The following CCDC171 variants were observed in gnomAD, a reference collection of about 807,000 sequenced individuals.
CCDC171 encodes the protein coiled-coil domain containing 171, also known as coiled-coil domain-containing protein 171.
A neutral mutation model predicts 168.2 loss-of-function variants in CCDC171; 177 were observed. The observed-to-expected ratio is 1.05, with a 90% CI of 0.93 to 1.19. The LOEUF is 1.19. CCDC171 is among the 50% of genes most tolerant of loss of function. The probability of loss-of-function intolerance (pLI) is 0.00; values close to 1 mark genes in which losing one functional copy is unlikely to be tolerated. For synonymous variants in CCDC171, 687 were observed against 540.8 expected, an observed-to-expected ratio of 1.27 and a Z score of -3.75; for missense variants, 1,991 against 1,539.0, an observed-to-expected ratio of 1.29 and a Z score of -4.91.
chr9:15,789,542 C>T (rs141626238), intron 21 of CCDC171, among the ~76,000 whole-genome samples: 139 of 152,278 alleles, frequency 9.1e-4, no homozygotes, highest in African/African-American at 3.2e-3. Context: ...CTAGTTCCTT[C>T]AGAAGCCAAC....
intron 24 of CCDC171, among the ~76,000 whole-genome samples, chr9:15,915,361 A>T (rs1025349967): frequency 2.6e-4 from 17 of 66,564 alleles, no homozygotes; most frequent in African/African-American, 5.7e-4. Context: ...ATATATTCCT[A>T]GTGTTTTTTT....
intron 3 of CCDC171, among the ~76,000 whole-genome samples, chr9:16,017,013 G>A (rs372741406): frequency 9.0e-4 from 137 of 152,152 alleles, no homozygotes; most frequent in African/African-American, 3.1e-3. Flanking sequence ...GATGTTAAAG[G>A]GCCTTCTCAA....
At chr9:15,864,532 G>C (rs185084454) in intron 23 of CCDC171, among the ~76,000 whole-genome samples, 340 of 151,986 alleles carry the variant, frequency 2.2e-3, no homozygotes, top group Middle Eastern at 6.8e-3. Flanking sequence ...TCATTGTTCA[G>C]TTCCCACCTA....
exon 2 of CCDC171, chr9:16,060,933 G>A (rs1326679924): frequency 1.3e-5 from 2 of 152,228 alleles, no homozygotes; most frequent in African/African-American, 4.8e-5. Context: ...GTCACAGCCA[G>A]ACCTAGGAAA....
At chr9:15,616,699 T>C (rs1288966786) in intron 6 of CCDC171, among the ~76,000 whole-genome samples, 3 of 152,164 alleles carry the variant, frequency 2.0e-5, no homozygotes, top group South Asian at 2.1e-4. Context: ...TATTGAGTGA[T>C]TGAAGGAGGA....
intron 21 of CCDC171, among the ~76,000 whole-genome samples, chr9:15,809,813 C>A (rs932255152): frequency 6.6e-6 from 1 of 152,188 alleles, no homozygotes; most frequent in Admixed American, 6.5e-5. Context: ...AGGACCCGAA[C>A]GGGTTGCCAC....
intron 21 of CCDC171, among the ~76,000 whole-genome samples, chr9:15,802,593 C>G (rs2058879369): frequency 6.6e-6 from 1 of 152,142 alleles, no homozygotes; most frequent in Non-Finnish European, 1.5e-5. Flanking sequence ...GATCCCATTC[C>G]TTTTTATGGC....
intron 21 of CCDC171, among the ~76,000 whole-genome samples, chr9:15,836,454 C>G (rs927557326): frequency 2.0e-5 from 3 of 152,196 alleles, no homozygotes; most frequent in Non-Finnish European, 4.4e-5. Context: ...CAAGCTCCGC[C>G]TCCCGGGTTC....
intron 6 of CCDC171, among the ~76,000 whole-genome samples, chr9:15,607,724 A>C (rs553493924): frequency 6.6e-6 from 1 of 152,284 alleles, no homozygotes; most frequent in East Asian, 1.9e-4. Context: ...TGGCCTATCA[A>C]AGTGCTGGTA....
At chr9:15,613,688 A>T (rs2131891122) in intron 6 of CCDC171, among the ~76,000 whole-genome samples, 2 of 151,992 alleles carry the variant, frequency 1.3e-5, no homozygotes, top group Middle Eastern at 3.4e-3. Context: ...ATGCCCGGCT[A>T]ATTTTTTTGT....
intron 24 of CCDC171, chr9:15,885,606 T>C (rs760420177): frequency 9.2e-5 from 14 of 152,176 alleles, no homozygotes; most frequent in Non-Finnish European, 1.8e-4. Flanking sequence ...TATTATGGCT[T>C]AGTGATTTGC....
intron 23 of CCDC171, among the ~76,000 whole-genome samples, chr9:15,865,074 A>C (rs1449047190): frequency 1.3e-5 from 2 of 152,064 alleles, no homozygotes; most frequent in Non-Finnish European, 2.9e-5. Context: ...ACAATCCAGA[A>C]ATTGTAAAAA....
At chr9:15,901,384 A>T (rs1821640640) in intron 24 of CCDC171, among the ~76,000 whole-genome samples, 1 of 152,182 alleles carries the variant, frequency 6.6e-6, no homozygotes, top group Non-Finnish European at 1.5e-5. Flanking sequence ...TTTTGTTGCA[A>T]TAAATGTACC....
intron 24 of CCDC171, among the ~76,000 whole-genome samples, chr9:15,877,646 C>T (rs1818037685): frequency 6.6e-6 from 1 of 152,112 alleles, no homozygotes; most frequent in Middle Eastern, 3.4e-3. Context: ...CAAATAACAG[C>T]AAATAGGCTT....
intron 23 of CCDC171, among the ~76,000 whole-genome samples, chr9:15,857,461 C>T (rs573656222): frequency 3.5e-4 from 53 of 152,000 alleles, no homozygotes; most frequent in African/African-American, 1.0e-3. Context: ...TCTGCTCTGT[C>T]GCTAAGGCTG....
At chr9:15,952,484 G>A (rs1162920251) in intron 25 of CCDC171, among the ~76,000 whole-genome samples, 1 of 152,038 alleles carries the variant, frequency 6.6e-6, no homozygotes, top group South Asian at 2.1e-4. Flanking sequence ...TGCAACCTCG[G>A]TCTGCTGGGT....
chr9:16,089,337 C>G, the CCDC171 span, among the ~76,000 whole-genome samples: 1 of 152,020 alleles, frequency 6.6e-6, no homozygotes, highest in Admixed American at 6.5e-5. Flanking sequence ...TGCCTGTTCA[C>G]TCTGATGGTA....
the CCDC171 span, among the ~76,000 whole-genome samples, chr9:16,079,393 A>G: frequency 6.6e-6 from 1 of 152,208 alleles, no homozygotes; most frequent in Non-Finnish European, 1.5e-5. Context: ...ATGATCCCTA[A>G]TCCAATACAG....
Position 15,578,950 on chromosome 9 carries a change from G to T in CCDC171, c.279G>T (p.Lys93Asn), listed in dbSNP as rs765589004. The change falls in exon 4 of 26, where the codon AAG becomes AAT. Residue 93 changes from lysine (K) to asparagine (N), a missense_variant. By Grantham distance (94) the Lys-to-Asn change is moderately conservative (BLOSUM62 0). Coordinates refer to ENST00000380701, the MANE Select transcript of CCDC171 (RefSeq NM_173550.4). ...AATATGACCTAGCTGTTGCTAGAAA[G>T]GAAGCTGGTCTTGGAAGACGGGCTG... The part of the protein sequence containing the change: ...SLEYDLAVAR[K>N]EAGLGRRAAE... 1 of 1,614,078 alleles carries T rather than the reference G, an allele frequency of 6.2e-7. No individual in the cohort carries two copies. Among genetic ancestry groups the T allele is most frequent in the East Asian group, 2.2e-5 (1 of 44,878 alleles).
Sources: allele counts gnomAD v4.1 joint callset (sites outside exome capture counted in the v4.1 genomes callset), GRCh38; gene constraint gnomAD v4.1.1; transcripts MANE v1.5; gene names NCBI Gene and HGNC (gene_info 2026-07-23, HGNC 2026-07-21).